The following NTM variants were observed in gnomAD, a reference collection of about 807,000 sequenced individuals.
NTM encodes the protein neurotrimin.
In NTM, 13 loss-of-function variants were observed where a neutral mutation model predicts 42.1. That is an observed-to-expected ratio of 0.31 (90% CI 0.20 to 0.49). The LOEUF is 0.49. NTM is among the 20% of genes least tolerant of loss of function. The pLI is 0.99. For missense variants in NTM, 373 were observed against 452.8 expected, an observed-to-expected ratio of 0.82 and a Z score of 1.60; for synonymous variants, 187 against 179.2, an observed-to-expected ratio of 1.04 and a Z score of -0.35.
chr11:132,070,006 A>C (rs71485732), intron 2 of NTM, among the ~76,000 whole-genome samples: 1 of 138,500 alleles, frequency 7.2e-6, no homozygotes, highest in African/African-American at 2.9e-5. Flanking sequence ...AACACGTCAC[A>C]CAGCCAAGTA....
intron 1 of NTM, among the ~76,000 whole-genome samples, chr11:131,746,108 T>C (rs560459801): frequency 6.6e-6 from 1 of 152,164 alleles, no homozygotes; most frequent in African/African-American, 2.4e-5. Flanking sequence ...ACCCTCTTTG[T>C]GGGAGTCGTC....
At chr11:132,221,103 A>G (rs1475358388) in intron 4 of NTM, among the ~76,000 whole-genome samples, 2 of 152,210 alleles carry the variant, frequency 1.3e-5, no homozygotes, top group Admixed American at 6.5e-5. Flanking sequence ...GAAAACGTCC[A>G]TATCACTAGG....
chr11:132,168,906 A>G (rs1174878130), intron 3 of NTM, among the ~76,000 whole-genome samples: 1 of 152,202 alleles, frequency 6.6e-6, no homozygotes, highest in African/African-American at 2.4e-5. Context: ...TCTTAGACAC[A>G]GAGGCTTATG....
intron 1 of NTM, among the ~76,000 whole-genome samples, chr11:131,657,168 C>T (rs1489445522): frequency 1.4e-5 from 2 of 142,614 alleles, no homozygotes; most frequent in Non-Finnish European, 3.1e-5. Flanking sequence ...AAAAAATCAT[C>T]GAAATGGGTC....
At chr11:131,907,535 A>C (rs1167922655) in intron 1 of NTM, among the ~76,000 whole-genome samples, 2 of 152,138 alleles carry the variant, frequency 1.3e-5, no homozygotes, top group Non-Finnish European at 2.9e-5. Flanking sequence ...TCCTATAGAT[A>C]TTTTTTATAA....
At chr11:131,576,646 G>T (rs1449809473) in intron 1 of NTM, among the ~76,000 whole-genome samples, 2 of 152,126 alleles carry the variant, frequency 1.3e-5, no homozygotes, top group African/African-American at 4.8e-5. Context: ...AATCTCTAAT[G>T]GTAGATTCAC....
At chr11:132,266,180 T>C (rs1321914270) in intron 4 of NTM, among the ~76,000 whole-genome samples, 1 of 152,078 alleles carries the variant, frequency 6.6e-6, no homozygotes, top group Non-Finnish European at 1.5e-5. Context: ...AGGACAGTCT[T>C]TTGTGGGAAG....
intron 2 of NTM, among the ~76,000 whole-genome samples, chr11:131,997,950 C>T (rs1430918345): frequency 1.3e-5 from 2 of 152,092 alleles, no homozygotes; most frequent in Admixed American, 6.6e-5. Flanking sequence ...CTCCCACCTC[C>T]CCTTGCTTCC....
intron 1 of NTM, among the ~76,000 whole-genome samples, chr11:131,770,342 C>T (rs2085863080): frequency 6.6e-6 from 1 of 152,190 alleles, no homozygotes; most frequent in Non-Finnish European, 1.5e-5. Flanking sequence ...TAGCTCTAGA[C>T]CTAGTGTAGG....
At chr11:132,018,591 G>A (rs2073827066) in intron 2 of NTM, among the ~76,000 whole-genome samples, 1 of 151,932 alleles carries the variant, frequency 6.6e-6, no homozygotes, top group Admixed American at 6.6e-5. Flanking sequence ...TAGCATGGGT[G>A]TATGATCTGC....
At position 132,119,953 on chromosome 11, in the gene NTM, T is replaced by C. The variant is rs140389898; in HGVS notation, c.168-26329T>C. Among the ~76,000 whole-genome samples the C allele has an allele frequency of 2.3e-3, 344 of 152,258 alleles. 5 individuals are homozygous for C. Among genetic ancestry groups the C allele is most frequent in the African/African-American group, 8.0e-3 (332 of 41,538 alleles). ...TTTATAACACGCTATATAAAGAGTATATGTTCTGGTGTAAAAAGCCCCCAT... is the reference window on the plus strand; with the variant it reads ...TTTATAACACGCTATATAAAGAGTACATGTTCTGGTGTAAAAAGCCCCCAT... On this transcript the variant is annotated intron_variant, in intron 2 of 8. Coordinates refer to ENST00000683400, the MANE Select transcript of NTM (RefSeq NM_001352005.2).
chr11:131,799,791 C>T (rs926083152), intron 1 of NTM, among the ~76,000 whole-genome samples: 1 of 152,134 alleles, frequency 6.6e-6, no homozygotes, highest in Non-Finnish European at 1.5e-5. Context: ...ACTTGGTGTG[C>T]CCTCAGCTAG....
chr11:131,638,841 A>T (rs1021089062), intron 1 of NTM, among the ~76,000 whole-genome samples: 2 of 151,958 alleles, frequency 1.3e-5, no homozygotes, highest in Non-Finnish European at 2.9e-5. Flanking sequence ...TAGAAACAGT[A>T]TACTTCTCCC....
At chr11:131,629,574 T>C (rs1434195769) in intron 1 of NTM, among the ~76,000 whole-genome samples, 6 of 152,190 alleles carry the variant, frequency 3.9e-5, no homozygotes, top group African/African-American at 1.2e-4. Flanking sequence ...CTCACACTTA[T>C]CTGCTTAAAA....
At chr11:131,653,547 C>G (rs2066783175) in intron 1 of NTM, among the ~76,000 whole-genome samples, 2 of 152,244 alleles carry the variant, frequency 1.3e-5, no homozygotes, top group South Asian at 4.1e-4. Flanking sequence ...CCTGGCTCTG[C>G]CTCTCCCCTG....
intron 6 of NTM, among the ~76,000 whole-genome samples, chr11:132,314,181 TCATCATCATCAGGCCCAC>T (rs1240616127): frequency 9.8e-5 from 14 of 142,332 alleles, no homozygotes; most frequent in Non-Finnish European, 2.1e-4. Flanking sequence ...ACCATCACCA[TCATCATCATCAGGCCCAC>T]ACATTTGAAC....
At chr11:131,910,438 C>A (rs1445489766) in intron 1 of NTM, among the ~76,000 whole-genome samples, 2 of 151,660 alleles carry the variant, frequency 1.3e-5, no homozygotes, top group Non-Finnish European at 2.9e-5. Context: ...CTGGGCCCGG[C>A]GCGGCGGGGG....
At chr11:131,377,465 C>T (rs1390824301) in intron 1 of NTM, among the ~76,000 whole-genome samples, 2 of 152,192 alleles carry the variant, frequency 1.3e-5, no homozygotes, top group African/African-American at 4.8e-5. Flanking sequence ...TTGCCTCAGA[C>T]AGCTTTTGTG....
At chr11:131,938,353 T>C (rs1373021324) in intron 2 of NTM, among the ~76,000 whole-genome samples, 2 of 152,064 alleles carry the variant, frequency 1.3e-5, no homozygotes, top group Admixed American at 6.5e-5. Flanking sequence ...AGCACAGAAT[T>C]CTAATGAGAG....
Sources: gnomAD v4.1 joint callset for allele counts (sites outside exome capture counted in the v4.1 genomes callset) on GRCh38, gnomAD v4.1.1 for gene constraint, MANE v1.5 for transcripts, NCBI Gene and HGNC (gene_info 2026-07-23, HGNC 2026-07-21) for gene names.